The following C2CD5 variants were observed in gnomAD, a reference collection of about 807,000 sequenced individuals.
The protein encoded by C2CD5 is C2 calcium dependent domain containing 5, also known as C2 domain-containing protein 5.
C2CD5 carries 109 observed loss-of-function variants against 130.3 expected under a neutral mutation model. That is an observed-to-expected ratio of 0.84 (90% CI 0.72 to 0.98). C2CD5 has a LOEUF of 0.98. C2CD5 is among the 50% of genes least tolerant of loss of function. The pLI, the probability that C2CD5 is intolerant of heterozygous loss-of-function variation, is 0.00. For synonymous variants in C2CD5, 454 were observed against 429.2 expected (o/e 1.06, Z -0.71); for missense variants, 996 against 1,261.8 (o/e 0.79, Z 3.19).
At chr12:22,501,603 A>G in intron 10 of C2CD5, among the ~76,000 whole-genome samples, 1 of 152,166 alleles carries the variant, frequency 6.6e-6, no homozygotes. Flanking sequence ...ACACTAACAA[A>G]TGATCATTTC....
At chr12:22,472,640 G>A in intron 17 of C2CD5, 104 bp downstream of exon 17, 1 of 788,380 alleles carries the variant, frequency 1.3e-6, no homozygotes, top group Non-Finnish European at 2.3e-6. Context: ...CTGTGACACT[G>A]TGATAAGTCC....
intron 3 of C2CD5, among the ~76,000 whole-genome samples, chr12:22,533,885 C>T (rs1951553986): frequency 6.6e-6 from 1 of 152,200 alleles, no homozygotes; most frequent in African/African-American, 2.4e-5. Flanking sequence ...TGAATTTCTA[C>T]ATACATGAAT....
At chr12:22,455,834 G>A (rs996245820) in intron 25 of C2CD5, among the ~76,000 whole-genome samples, 14 of 152,086 alleles carry the variant, frequency 9.2e-5, no homozygotes, top group South Asian at 4.2e-4. Context: ...ACAGGCATGT[G>A]CCACCATGCC....
chr12:22,537,968 C>G (rs1352185539), intron 2 of C2CD5, among the ~76,000 whole-genome samples: 1 of 151,664 alleles, frequency 6.6e-6, no homozygotes, highest in Non-Finnish European at 1.5e-5. Context: ...ATTATTTGGT[C>G]TTCACTGGGT....
intron 17 of C2CD5, 164 bp downstream of exon 17, chr12:22,472,580 G>T: frequency 1.5e-6 from 1 of 652,306 alleles, no homozygotes; most frequent in Non-Finnish European, 2.7e-6. Flanking sequence ...TCTAACATAA[G>T]TATTTTTAAG....
At chr12:22,526,860 T>C (rs1361669615) in intron 4 of C2CD5, among the ~76,000 whole-genome samples, 1 of 152,216 alleles carries the variant, frequency 6.6e-6, no homozygotes, top group Non-Finnish European at 1.5e-5. Flanking sequence ...TTAAGAAAAC[T>C]GACTCAATAA....
intron 24 of C2CD5, among the ~76,000 whole-genome samples, chr12:22,458,264 A>G (rs1169837002): frequency 2.6e-5 from 4 of 152,204 alleles, no homozygotes; most frequent in Non-Finnish European, 5.9e-5. Context: ...ACCTGCACAA[A>G]AAGGAAAATT....
chr12:22,507,172 T>A (rs7137369), intron 9 of C2CD5, among the ~76,000 whole-genome samples: 24,076 of 152,000 alleles, frequency 0.16, 3,776 homozygotes, highest in African/African-American at 0.41. Flanking sequence ...CTATCCCTCT[T>A]CCCCTTTATC....
At chr12:22,485,130 ATTTG>A (rs926060155) in intron 12 of C2CD5, among the ~76,000 whole-genome samples, 4 of 152,110 alleles carry the variant, frequency 2.6e-5, no homozygotes, top group Admixed American at 6.6e-5. Flanking sequence ...GCACCAATTT[ATTTG>A]TTTGATGACT....
rs149664449 is a variant in C2CD5, at chr12:22,536,447, A to C, written c.91-1103T>G. On this transcript the variant is annotated intron_variant, in intron 2 of 26. Transcript: ENST00000446597. ...ATCCTAGGTTTGCTACCAGGAATTT[A>C]ACCTACAGAAGTACTTTCACATAAG... Among the ~76,000 whole-genome samples the C allele has an allele frequency of 1.1e-3, 160 of 152,348 alleles. 1 individual carries two copies. Among genetic ancestry groups the C allele is most frequent in the African/African-American group, 3.5e-3 (146 of 41,582 alleles).
chr12:22,540,947 T>G (rs539079780), intron 2 of C2CD5, among the ~76,000 whole-genome samples: 11 of 152,264 alleles, frequency 7.2e-5, no homozygotes, highest in African/African-American at 1.2e-4. Context: ...TAAGGATATA[T>G]TAACTAAAAA....
intron 25 of C2CD5, among the ~76,000 whole-genome samples, chr12:22,455,502 C>T (rs1373311494): frequency 6.6e-6 from 1 of 152,140 alleles, no homozygotes; most frequent in Non-Finnish European, 1.5e-5. Flanking sequence ...TATCCATGTG[C>T]TACCAAGAGC....
chr12:22,510,740 G>A (rs1340070196), intron 9 of C2CD5, among the ~76,000 whole-genome samples: 6 of 152,274 alleles, frequency 3.9e-5, no homozygotes, highest in East Asian at 3.9e-4. Context: ...ATGTACTTGC[G>A]AAATACTAGG....
At chr12:22,498,635 G>A (rs1475337962) in intron 10 of C2CD5, among the ~76,000 whole-genome samples, 3 of 152,014 alleles carry the variant, frequency 2.0e-5, no homozygotes, top group Admixed American at 6.6e-5. Flanking sequence ...TTAATCCAAA[G>A]CTTGCTTATC....
intron 12 of C2CD5, among the ~76,000 whole-genome samples, chr12:22,488,702 C>A (rs561068932): frequency 2.0e-5 from 3 of 152,102 alleles, no homozygotes; most frequent in Non-Finnish European, 4.4e-5. Context: ...CCCACCTTCA[C>A]TTTCCTATTT....
At chr12:22,458,424 ACT>A (rs1425112823) in intron 24 of C2CD5, 58 bp downstream of exon 24, 1 of 759,184 alleles carries the variant, frequency 1.3e-6, no homozygotes, top group African/African-American at 1.8e-5. Flanking sequence ...AGCTTTCACC[ACT>A]GGGAAATCAG....
At chr12:22,468,101 G>A (rs1234319954) in intron 22 of C2CD5, among the ~76,000 whole-genome samples, 1 of 149,034 alleles carries the variant, frequency 6.7e-6, no homozygotes. Context: ...CCTATTGCAG[G>A]ATAAGGATAA....
At chr12:22,483,325 A>G (rs1016692355) in intron 13 of C2CD5, among the ~76,000 whole-genome samples, 11 of 152,184 alleles carry the variant, frequency 7.2e-5, no homozygotes, top group African/African-American at 1.9e-4. Context: ...ATAAATGGAA[A>G]GCAGAAGAAA....
At chr12:22,459,831 G>A (rs1468869903) in intron 22 of C2CD5, among the ~76,000 whole-genome samples, 2 of 152,174 alleles carry the variant, frequency 1.3e-5, no homozygotes, top group Non-Finnish European at 2.9e-5. Context: ...ACATAGTAAC[G>A]AATGTGAGTA....
Sources: gnomAD v4.1 joint callset for allele counts (sites outside exome capture counted in the v4.1 genomes callset) on GRCh38, gnomAD v4.1.1 for gene constraint, MANE v1.5 for transcripts, NCBI Gene and HGNC (gene_info 2026-07-23, HGNC 2026-07-21) for gene names.